Variants in OPCML observed in about 807,000 individuals in gnomAD.
The protein encoded by OPCML is opioid binding protein/cell adhesion molecule like, also known as opioid-binding protein/cell adhesion molecule.
In OPCML, 13 loss-of-function variants were observed where a neutral mutation model predicts 37.8. That is an observed-to-expected ratio of 0.34 (90% confidence interval 0.22 to 0.55). OPCML has a LOEUF of 0.55. Among genes scored for constraint, OPCML ranks in the 20% least tolerant of loss-of-function variants. OPCML has a pLI of 0.91. For missense variants in OPCML, 341 were observed against 435.6 expected, an observed-to-expected ratio of 0.78 and a Z score of 1.93; for synonymous variants, 176 against 168.8, an observed-to-expected ratio of 1.04 and a Z score of -0.33.
At position 132,531,903 on chromosome 11, in the gene OPCML, C is replaced by T. The variant is rs1269196145; in HGVS notation, c.380-2717G>A. Among the ~76,000 whole-genome samples, 6 of 151,986 alleles carry T rather than the reference C, an allele frequency of 3.9e-5. No homozygotes were observed. In the East Asian group the frequency reaches 9.7e-4, roughly 24 times the overall value. ...TAACGTCGCTTCAGCTGGAAGTGTT[C>T]GGCCATCTGAAGTTTTTTGTCTTAA... On this transcript the variant is annotated intron_variant, in intron 3 of 7. Transcript: ENST00000524381.
At chr11:133,461,425 G>C (rs1946856134) in intron 1 of OPCML, among the ~76,000 whole-genome samples, 1 of 151,748 alleles carries the variant, frequency 6.6e-6, no homozygotes, top group African/African-American at 2.4e-5. Flanking sequence ...AAAAATTGGT[G>C]GTTGCTGTTC....
At chr11:133,305,242 C>A (rs376839279) in intron 1 of OPCML, among the ~76,000 whole-genome samples, 7 of 152,158 alleles carry the variant, frequency 4.6e-5, no homozygotes, top group Non-Finnish European at 1.0e-4. Flanking sequence ...GTAATGAACA[C>A]TTATTATTAT....
intron 2 of OPCML, among the ~76,000 whole-genome samples, chr11:132,692,886 A>G (rs1339448241): frequency 6.6e-6 from 1 of 152,208 alleles, no homozygotes; most frequent in Non-Finnish European, 1.5e-5. Flanking sequence ...GGCTTTAACA[A>G]TTCCTCTAAA....
chr11:133,276,000 A>G (rs1166178454), intron 1 of OPCML, among the ~76,000 whole-genome samples: 2 of 152,222 alleles, frequency 1.3e-5, no homozygotes, highest in Non-Finnish European at 2.9e-5. Flanking sequence ...GAAAACAAAA[A>G]AAGAGAGATG....
chr11:133,470,690 T>A (rs1371814655), intron 1 of OPCML, among the ~76,000 whole-genome samples: 1 of 152,242 alleles, frequency 6.6e-6, no homozygotes, highest in African/African-American at 2.4e-5. Flanking sequence ...ATCTTTCTAT[T>A]GCACTTTGTG....
At chr11:133,499,346 G>C (rs753543926) in intron 1 of OPCML, among the ~76,000 whole-genome samples, 4 of 152,182 alleles carry the variant, frequency 2.6e-5, no homozygotes, top group Non-Finnish European at 5.9e-5. Context: ...ATGGTGCCTA[G>C]CTTTGTTTAA....
At chr11:133,491,677 G>T (rs1375831717) in intron 1 of OPCML, among the ~76,000 whole-genome samples, 1 of 152,152 alleles carries the variant, frequency 6.6e-6, no homozygotes, top group Non-Finnish European at 1.5e-5. Flanking sequence ...AGCATGATGA[G>T]GTTTGAAATC....
chr11:133,003,720 C>G (rs1439904146), intron 1 of OPCML: 1 of 985,428 alleles, frequency 1.0e-6, no homozygotes, highest in African/African-American at 1.7e-5. Context: ...GTCCCTACTT[C>G]TTGAATATCT....
At chr11:132,860,639 C>T (rs1053780835) in intron 2 of OPCML, 1 of 152,102 alleles carries the variant, frequency 6.6e-6, no homozygotes, top group African/African-American at 2.4e-5. Context: ...AAAACTAACT[C>T]AAACTGGAGG....
At chr11:132,847,448 G>A (rs1307427257) in intron 2 of OPCML, among the ~76,000 whole-genome samples, 4 of 152,048 alleles carry the variant, frequency 2.6e-5, no homozygotes, top group African/African-American at 9.7e-5. Context: ...TCTGAACCTG[G>A]GCCTGATAGA....
At chr11:133,367,257 G>A (rs1002486111) in intron 1 of OPCML, among the ~76,000 whole-genome samples, 5 of 152,234 alleles carry the variant, frequency 3.3e-5, no homozygotes, top group South Asian at 4.1e-4. Context: ...GATTACAGGC[G>A]TGAGCCACCA....
intron 1 of OPCML, among the ~76,000 whole-genome samples, chr11:133,143,090 TGAGTCA>T (rs1949848882): frequency 6.6e-6 from 1 of 152,144 alleles, no homozygotes; most frequent in Admixed American, 6.5e-5. Flanking sequence ...CCTTAGCAGA[TGAGTCA>T]GACTCCAGAG....
intron 1 of OPCML, among the ~76,000 whole-genome samples, chr11:133,013,669 A>C (rs539079565): frequency 6.6e-6 from 1 of 152,328 alleles, no homozygotes; most frequent in East Asian, 1.9e-4. Context: ...CACACTCAAC[A>C]GTGTATAGTC....
intron 2 of OPCML, among the ~76,000 whole-genome samples, chr11:132,910,983 A>C (rs1297725267): frequency 1.4e-4 from 21 of 152,244 alleles, no homozygotes; most frequent in Admixed American, 1.4e-3. Flanking sequence ...ATCATTTAGC[A>C]CAAATCTCTA....
intron 1 of OPCML, among the ~76,000 whole-genome samples, chr11:133,151,453 A>AT (rs201317210): frequency 0.015 from 2,322 of 150,796 alleles, 52 homozygotes; most frequent in African/African-American, 0.052. Flanking sequence ...AAGAGAATGT[A>AT]TTTTTTTTTC....
chr11:132,514,357 G>A (rs2096275321), intron 4 of OPCML, among the ~76,000 whole-genome samples: 2 of 152,174 alleles, frequency 1.3e-5, no homozygotes, highest in Admixed American at 1.3e-4. Context: ...AATGGACAAA[G>A]GCCAGTGCGA....
chr11:133,093,106 CA>C (rs1248801124), intron 1 of OPCML, among the ~76,000 whole-genome samples: 5 of 151,866 alleles, frequency 3.3e-5, no homozygotes, highest in Admixed American at 2.6e-4. Flanking sequence ...TTTTGATGAA[CA>C]GGGGTATTTG....
intron 3 of OPCML, among the ~76,000 whole-genome samples, chr11:132,592,844 C>T (rs535224561): frequency 9.9e-5 from 15 of 152,284 alleles, no homozygotes; most frequent in African/African-American, 2.4e-4. Context: ...GTACCTGGAA[C>T]GTAGTAAACA....
chr11:133,491,927 C>A (rs895005339), intron 1 of OPCML, among the ~76,000 whole-genome samples: 2 of 152,146 alleles, frequency 1.3e-5, no homozygotes, highest in Non-Finnish European at 2.9e-5. Flanking sequence ...GCCTTTCTAT[C>A]CTGGGCTCCC....
Sources: allele counts gnomAD v4.1 joint callset (sites outside exome capture counted in the v4.1 genomes callset), GRCh38; gene constraint gnomAD v4.1.1; transcripts MANE v1.5; gene names NCBI Gene and HGNC (gene_info 2026-07-23, HGNC 2026-07-21).